The following SEC31B variants were observed in gnomAD, a reference collection of about 807,000 sequenced individuals.
The protein encoded by SEC31B is protein transport protein Sec31B.
SEC31B carries 113 observed loss-of-function variants against 135.0 expected under a neutral mutation model. The observed-to-expected ratio is 0.84, with a 90% CI of 0.72 to 0.98. SEC31B has a LOEUF of 0.98. Among genes scored for constraint, SEC31B ranks in the 50% least tolerant of loss-of-function variants. SEC31B has a pLI of 0.00. For missense variants in SEC31B, 1,296 were observed against 1,421.1 expected (o/e 0.91, Z 1.42); for synonymous variants, 508 against 549.4 (o/e 0.92, Z 1.05).
chr10:100,506,869 C>A (rs548313958), intron 7 of SEC31B, among the ~76,000 whole-genome samples: 2 of 152,028 alleles, frequency 1.3e-5, no homozygotes, highest in South Asian at 2.1e-4. Flanking sequence ...CAAGGCCGAG[C>A]GGGGAGGATC....
chr10:100,507,661 T>G, intron 6 of SEC31B, 94 bp from the exon 7 acceptor site: 1 of 1,534,796 alleles, frequency 6.5e-7, no homozygotes, highest in Non-Finnish European at 9.0e-7. Context: ...CTGTCTCTTT[T>G]GTGACTGGGA....
At position 100,518,809 on chromosome 10, in the gene SEC31B, C is replaced by A. The variant is rs561628832; in HGVS notation, c.-46+973G>T. 3.9e-5 allele frequency among the ~76,000 whole-genome samples: 6 copies of A among 152,306 alleles called. No individual in the cohort carries two copies. In the South Asian group the frequency reaches 1.2e-3, roughly 32 times the overall value. The stretch of plus-strand genomic sequence containing the variant: ...ACTTAATCTCTAAGGTACTTTCTAG[C>A]GTGAAGAAAGTTTAAGCCTGCCCAT... On this transcript the variant is annotated intron_variant, in intron 1 of 25. Transcript: ENST00000370345.
At chr10:100,512,588 T>C (rs1851755742) in intron 3 of SEC31B, among the ~76,000 whole-genome samples, 1 of 152,202 alleles carries the variant, frequency 6.6e-6, no homozygotes, top group South Asian at 2.1e-4. Flanking sequence ...TCTAGGTAGA[T>C]AATATTTCTC....
chr10:100,499,157 C>T lies in SEC31B; in HGVS notation c.1584+3G>A. The T allele has an allele frequency of 6.2e-7, 1 of 1,613,610 alleles. No homozygotes were observed. Among genetic ancestry groups the T allele is most frequent in the Non-Finnish European group, 8.5e-7 (1 of 1,179,608 alleles). On this transcript the variant is annotated splice_donor_region_variant and intron_variant, in intron 13 of 25. Coordinates refer to ENST00000370345, the MANE Select transcript of SEC31B (RefSeq NM_015490.4). ...GGTCAGGCTGACTGGACTCCTACCA[C>T]ACCTGGCTGCAGAAGGCCTGTTGTC... is the stretch of plus-strand genomic sequence containing the variant.
chr10:100,519,188 A>T (rs1851903422), intron 1 of SEC31B, among the ~76,000 whole-genome samples: 1 of 152,250 alleles, frequency 6.6e-6, no homozygotes. Context: ...AAGTGTTTTA[A>T]TCGCTGACAG....
chr10:100,514,267 C>CT (rs1851786482), intron 3 of SEC31B, among the ~76,000 whole-genome samples: 1 of 152,186 alleles, frequency 6.6e-6, no homozygotes, highest in African/African-American at 2.4e-5. Context: ...TATACTGCCT[C>CT]TTTCTTAAGA....
chr10:100,496,797 G>A (rs1321934349), intron 17 of SEC31B, among the ~76,000 whole-genome samples: 1 of 152,122 alleles, frequency 6.6e-6, no homozygotes, highest in Non-Finnish European at 1.5e-5. Flanking sequence ...CCCACTTTCT[G>A]TGGTCACCCA....
chr10:100,508,167 C>G, intron 5 of SEC31B, 116 bp from the exon 6 acceptor site: 1 of 1,259,118 alleles, frequency 7.9e-7, no homozygotes, highest in Non-Finnish European at 1.1e-6. Flanking sequence ...CATGGGGCTA[C>G]CCAAACTAAG....
intron 12 of SEC31B, 81 bp downstream of exon 12, chr10:100,499,443 G>T: frequency 1.7e-6 from 2 of 1,209,196 alleles, no homozygotes; most frequent in Non-Finnish European, 2.4e-6. Context: ...CCAGGAAGAG[G>T]TATTCTGAGG....
At chr10:100,507,688 A>C (rs1233258235) in intron 6 of SEC31B, 121 bp from the exon 7 acceptor site, 1 of 1,395,442 alleles carries the variant, frequency 7.2e-7, no homozygotes, top group African/African-American at 1.4e-5. Flanking sequence ...CAGGCATCAG[A>C]GAGTGATGGC....
intron 15 of SEC31B, 30 bp downstream of exon 15, chr10:100,497,999 C>T (rs1851445005): frequency 2.5e-6 from 4 of 1,612,722 alleles, no homozygotes; most frequent in Non-Finnish European, 3.4e-6. Context: ...GTAATCCCCT[C>T]CCTTCTTCTC....
rs761180995 is a variant in SEC31B, at chr10:100,488,629, CT to C, written c.3288+228del. On this transcript the variant is annotated intron_variant, in intron 24 of 25. Coordinates refer to ENST00000370345, the MANE Select transcript of SEC31B (RefSeq NM_015490.4). ...CTCCACCCTCCTTCCAGTACCCCTG[CT>C]GCCTTTAGGTCTCAATGCTGCTGGG... Among the ~76,000 whole-genome samples, 125 of 152,280 alleles carry C rather than the reference CT, an allele frequency of 8.2e-4. 1 individual carries two copies. The highest frequency in any genetic ancestry group is 1.0e-4 in the Non-Finnish European group (7 of 68,026).
At chr10:100,503,510 C>T (rs1306997355) in intron 10 of SEC31B, among the ~76,000 whole-genome samples, 4 of 151,548 alleles carry the variant, frequency 2.6e-5, no homozygotes, top group East Asian at 1.9e-4. Flanking sequence ...CTCGGCTCAC[C>T]GTAACCTCCG....
In SEC31B at chr10:100,487,644, AG is replaced by A; in HGVS notation, c.3511del (p.Leu1171SerfsTer17). On this transcript the variant is annotated frameshift_variant, in exon 26 of 26. Coordinates refer to ENST00000370345, the MANE Select transcript of SEC31B (RefSeq NM_015490.4). LOFTEE classifies it high-confidence loss of function. ...GACCAGCAGCTTATGAGCGATGATGAGGACAGCCTTCAGGATAGGCATGAAG... is the reference window on the plus strand; with the variant it reads ...GACCAGCAGCTTATGAGCGATGATGAGACAGCCTTCAGGATAGGCATGAAG... ...SSFMPILKAV[L>X]IIAHKLLV 1 of 1,613,472 alleles carries A rather than the reference AG, an allele frequency of 6.2e-7. No homozygotes were observed. The highest frequency in any genetic ancestry group is 8.5e-7 in the Non-Finnish European group (1 of 1,179,752).
Position 100,496,443 on chromosome 10 carries a change from A to C in SEC31B, c.2137-12T>G. On this transcript the variant is annotated splice_polypyrimidine_tract_variant and intron_variant, in intron 17 of 25. Transcript: ENST00000370345. ...TTCTCCATCAGGTCCTGTAAGGGCAAGGATGAGGGTGGTAAGCCTTCAATG... is the reference window on the plus strand; with the variant it reads ...TTCTCCATCAGGTCCTGTAAGGGCACGGATGAGGGTGGTAAGCCTTCAATG... 6.2e-7 allele frequency: 1 copy of C among 1,613,854 alleles called. No individual in the cohort carries two copies. Among genetic ancestry groups the C allele is most frequent in the African/African-American group, 1.3e-5 (1 of 75,072 alleles).
At chr10:100,492,351 G>A (rs1369317949) in intron 19 of SEC31B, among the ~76,000 whole-genome samples, 1 of 152,162 alleles carries the variant, frequency 6.6e-6, no homozygotes, top group African/African-American at 2.4e-5. Context: ...TGCCTCCTGA[G>A]TAGCTGGGAT....
chr10:100,500,218 C>T (rs1051347840), intron 11 of SEC31B: 3 of 456,466 alleles, frequency 6.6e-6, no homozygotes, highest in Non-Finnish European at 1.3e-5. Context: ...ACAGAAGACA[C>T]CTGCCTGATG....
chr10:100,488,147 A>T, intron 24 of SEC31B, 49 bp from the exon 25 acceptor site: 1 of 1,501,976 alleles, frequency 6.7e-7, no homozygotes, highest in Non-Finnish European at 9.3e-7. Context: ...GTCTAACACC[A>T]CACAGGGCCA....
intron 9 of SEC31B, 29 bp downstream of exon 9, chr10:100,506,011 T>C (rs548776454): frequency 6.2e-7 from 1 of 1,612,218 alleles, no homozygotes; most frequent in Non-Finnish European, 8.5e-7. Context: ...GCCCCTTCCC[T>C]CCAGCATTCT....
Sources: allele counts gnomAD v4.1 joint callset (sites outside exome capture counted in the v4.1 genomes callset), GRCh38; gene constraint gnomAD v4.1.1; transcripts MANE v1.5; gene names NCBI Gene and HGNC (gene_info 2026-07-23, HGNC 2026-07-21).